The following SPTB variants were observed in gnomAD, a reference collection of about 807,000 sequenced individuals.
SPTB encodes spectrin beta chain, erythrocytic.
A neutral mutation model predicts 256.2 loss-of-function variants in SPTB; 45 were observed. The ratio of observed to expected loss-of-function variants is 0.18; its 90% CI spans 0.14 to 0.23. The LOEUF is 0.23. SPTB is among the 10% of genes least tolerant of loss of function. SPTB has a pLI of 1.00. For missense variants in SPTB, 2,715 were observed against 3,040.4 expected (o/e 0.89, Z 2.52); for synonymous variants, 1,231 against 1,243.1 (o/e 0.99, Z 0.21).
chr14:64,857,279 T>C (rs2083888252), intron 1 of SPTB, among the ~76,000 whole-genome samples: 2 of 152,072 alleles, frequency 1.3e-5, no homozygotes, highest in Non-Finnish European at 1.5e-5. Context: ...CTGCTGGATC[T>C]AGGAGAGAAA....
rs545023374 is a variant in SPTB, at chr14:64,758,644, G to A, written c.6346-4851C>T. Among the ~76,000 whole-genome samples the A allele has an allele frequency of 1.3e-5, 2 of 152,244 alleles. No homozygotes were observed. Among genetic ancestry groups the A allele is most frequent in the Non-Finnish European group, 2.9e-5 (2 of 68,040 alleles). On this transcript the variant is annotated intron_variant, in intron 32 of 35. Transcript: ENST00000644917. This position sits in a 1 kb window ranked among gnomAD's most constrained non-coding sequence, Gnocchi z 4.6. ...AGATTGTGTCTAGATATATATCCAA[G>A]AGGTCAAATCCTTTTCTGAAGCAGA...
intron 1 of SPTB, among the ~76,000 whole-genome samples, chr14:64,859,938 T>G (rs2083938356): frequency 6.6e-6 from 1 of 152,150 alleles, no homozygotes; most frequent in Admixed American, 6.5e-5. Flanking sequence ...CTGAAAAGAC[T>G]GTGAATAAAA....
At position 64,778,901 on chromosome 14, in the gene SPTB, T is replaced by C. The variant is rs548989940; in HGVS notation, c.4563+256A>G. On this transcript the variant is annotated intron_variant, in intron 22 of 35. Transcript: ENST00000644917. The surrounding 1 kb of genome is among the most constrained non-coding windows in gnomAD (Gnocchi z 5.2). ...CCGAGATCCTGCATTCACCTGTGCC[T>C]GATGGAGGCTGAATGGCCCTGAATC... Among the ~76,000 whole-genome samples, 7 of 152,036 alleles carry C rather than the reference T, an allele frequency of 4.6e-5. No individual in the cohort carries two copies. The South Asian group carries it at 8.3e-4, about 18-fold the overall frequency.
rs750287175 is a variant in SPTB at position 64,749,666 on chromosome 14, A to G, written c.6807T>C (p.His2269=). Residue 2269 remains histidine, a synonymous_variant, in exon 35 of 36, where the codon CAT becomes CAC. Coordinates refer to ENST00000644917, the MANE Select transcript of SPTB (RefSeq NM_001355436.2). The surrounding 1 kb of genome is among the most constrained non-coding windows in gnomAD (Gnocchi z 4.7). Reference sequence around the variant, plus strand: ...TGCCCGCGCTTACCTCATCCTTGCCATGGAAGAGCCACTCGCTGCCATTAC... The same window carrying G: ...TGCCCGCGCTTACCTCATCCTTGCCGTGGAAGAGCCACTCGCTGCCATTAC... ...RLSNGSEWLF[H]GKDEEEMLSW... is the part of the protein sequence containing the mutation. The G allele has an allele frequency of 2.7e-5, 43 of 1,613,808 alleles. No homozygotes were observed. Among genetic ancestry groups the G allele is most frequent in the Non-Finnish European group, 3.6e-5 (43 of 1,179,946 alleles).
chr14:64,750,273 G>T, intron 33 of SPTB, 119 bp from the exon 34 acceptor site: 2 of 1,006,966 alleles, frequency 2.0e-6, no homozygotes, highest in Non-Finnish European at 1.4e-6. Context: ...ATAGTAACAT[G>T]TTTTATTGTT....
Position 64,852,558 on chromosome 14 carries a change from C to T in SPTB, c.-52+27234G>A, listed in dbSNP as rs230716. 1 allele frequency among the ~76,000 whole-genome samples: 152,255 copies of T among 152,324 alleles called. 76,094 individuals carry two copies. Among genetic ancestry groups the T allele is most frequent in the Middle Eastern group, 1 (294 of 294 alleles). ...TCACTGCAGTAACTGAGACAAGAGA[C>T]GGTGTGGGCAAGACTCAGGACTTTG... On this transcript the variant is annotated intron_variant, in intron 1 of 35. Coordinates refer to ENST00000644917, the MANE Select transcript of SPTB (RefSeq NM_001355436.2). The surrounding 1 kb of genome is among the most constrained non-coding windows in gnomAD (Gnocchi z 4.2).
chr14:64,780,909 G>C (rs1487170275), intron 20 of SPTB, among the ~76,000 whole-genome samples: 3 of 152,100 alleles, frequency 2.0e-5, no homozygotes, highest in African/African-American at 7.2e-5. Context: ...AGAGAGTCCA[G>C]AAATAAGGCC....
At chr14:64,803,290 C>T (rs1170270361) in intron 4 of SPTB, among the ~76,000 whole-genome samples, 3 of 152,160 alleles carry the variant, frequency 2.0e-5, no homozygotes, top group Non-Finnish European at 4.4e-5. Context: ...ATTTCAAAAA[C>T]CAAGAAGTTA....
At chr14:64,753,059 C>T (rs2081974126) in intron 33 of SPTB, among the ~76,000 whole-genome samples, 1 of 152,124 alleles carries the variant, frequency 6.6e-6, no homozygotes, top group Non-Finnish European at 1.5e-5. Flanking sequence ...CCCCATCACT[C>T]CCATTTTACA....
intron 27 of SPTB, 121 bp downstream of exon 27, chr14:64,770,764 T>C: frequency 6.7e-7 from 1 of 1,499,232 alleles, no homozygotes; most frequent in South Asian, 1.1e-5. Context: ...CCCCAGGGAT[T>C]TTCATGGAAC....
intron 2 of SPTB, among the ~76,000 whole-genome samples, 154 bp from the exon 3 acceptor site, chr14:64,805,244 A>C (rs1246994962): frequency 1.3e-5 from 2 of 152,156 alleles, no homozygotes; most frequent in African/African-American, 4.8e-5. Context: ...AGCATTTGCC[A>C]TCAAGGTGTA....
intron 15 of SPTB, among the ~76,000 whole-genome samples, chr14:64,789,004 A>G (rs2082623238): frequency 6.6e-6 from 1 of 152,234 alleles, no homozygotes; most frequent in Non-Finnish European, 1.5e-5. Flanking sequence ...TTTATCAAGC[A>G]ACTCTCAGTT....
In SPTB at chr14:64,826,751, T is replaced by A. The variant is rs179337; in HGVS notation, c.-51-3606A>T. ...CTCCGTGACTCTGTGCCCAGAGAGGTCCACCTGCCCCATCCATCCATCCAC... is the reference window on the plus strand; with the variant it reads ...CTCCGTGACTCTGTGCCCAGAGAGGACCACCTGCCCCATCCATCCATCCAC... On this transcript the variant is annotated intron_variant, in intron 1 of 35. Coordinates refer to ENST00000644917, the MANE Select transcript of SPTB (RefSeq NM_001355436.2). This position sits in a 1 kb window ranked among gnomAD's most constrained non-coding sequence, Gnocchi z 4.4. Among the ~76,000 whole-genome samples, 9,238 of 151,870 alleles carry A rather than the reference T, an allele frequency of 0.061. 1,009 individuals are homozygous for A. Among genetic ancestry groups the A allele is most frequent in the African/African-American group, 0.21 (8,748 of 41,348 alleles).
chr14:64,802,212 T>C lies in SPTB; in HGVS notation c.566+14A>G, dbSNP rs1386587441. ...TGGTGGTGGATGTGCTAACAGCTGG[T>C]TCCCAGGGCATACCCTGCCGTCTTC... On this transcript the variant is annotated intron_variant, in intron 5 of 35. Coordinates refer to ENST00000644917, the MANE Select transcript of SPTB (RefSeq NM_001355436.2). The surrounding 1 kb of genome is among the most constrained non-coding windows in gnomAD (Gnocchi z 5.1). 19 of 1,613,870 alleles carry C rather than the reference T, an allele frequency of 1.2e-5. No individual in the cohort carries two copies. The highest frequency in any genetic ancestry group is 1.6e-5 in the Non-Finnish European group (19 of 1,179,716).
chr14:64,767,716 T>G lies in SPTB; in HGVS notation c.6166A>C (p.Lys2056Gln). Residue 2056 changes from lysine to glutamine, a missense_variant, in exon 30 of 36, where the codon AAG becomes CAG. By Grantham distance (53) the Lys-to-Gln change is moderately conservative (BLOSUM62 1). Transcript: ENST00000644917. ...KLIKRHEAFE[K>Q]STASWAERFA... is the part of the protein sequence containing the mutation. The stretch of plus-strand genomic sequence containing the variant: ...CGCTCTGCCCAGCTGGCCGTGGACT[T>G]CTCAAAAGCCTCATGCCTCTTGATG... 6.2e-7 allele frequency: 1 copy of G among 1,614,200 alleles called. No individual in the cohort carries two copies. Among genetic ancestry groups the G allele is most frequent in the Middle Eastern group, 1.6e-4 (1 of 6,062 alleles).
Position 64,794,624 on chromosome 14 carries a change from A to T in SPTB, c.1645-7T>A. 6.2e-7 allele frequency: 1 copy of T among 1,614,138 alleles called. No homozygotes were observed. The highest frequency in any genetic ancestry group is 1.1e-5 in the South Asian group (1 of 91,082). On this transcript the variant is annotated splice_region_variant and splice_polypyrimidine_tract_variant and intron_variant, in intron 12 of 35. Transcript: ENST00000644917. ...CGGCAGACAAGAGGTGAGCCTGGCAAAGAGAACAGCAGAAAGGAAATGAGG... is the reference window on the plus strand; with the variant it reads ...CGGCAGACAAGAGGTGAGCCTGGCATAGAGAACAGCAGAAAGGAAATGAGG...
At chr14:64,865,909 G>A (rs1882156481) in intron 1 of SPTB, among the ~76,000 whole-genome samples, 1 of 152,092 alleles carries the variant, frequency 6.6e-6, no homozygotes, top group Non-Finnish European at 1.5e-5. Context: ...TCAAGTTTAG[G>A]TTGAACATTT....
chr14:64,792,139 G>A lies in SPTB; in HGVS notation c.2667-283C>T, dbSNP rs1186810757. On this transcript the variant is annotated intron_variant, in intron 14 of 35. Transcript: ENST00000644917. The surrounding 1 kb of genome is among the most constrained non-coding windows in gnomAD (Gnocchi z 4.2). Reference sequence around the variant, plus strand: ...AAGAGAGACATATGAAGGGGAGGGAGGGCTGAAGAGAGGTTACTGTGTATT... The same window carrying A: ...AAGAGAGACATATGAAGGGGAGGGAAGGCTGAAGAGAGGTTACTGTGTATT... Among the ~76,000 whole-genome samples, 1 of 152,184 alleles carries A rather than the reference G, an allele frequency of 6.6e-6. No homozygotes were observed. Among genetic ancestry groups the A allele is most frequent in the Non-Finnish European group, 1.5e-5 (1 of 68,032 alleles).
intron 1 of SPTB, among the ~76,000 whole-genome samples, chr14:64,872,017 A>G (rs779179990): frequency 2.6e-5 from 4 of 152,270 alleles, no homozygotes; most frequent in Non-Finnish European, 4.4e-5. Flanking sequence ...CAAAGTACAC[A>G]GCACATCTAA....
Sources: gnomAD v4.1 joint callset for allele counts (sites outside exome capture counted in the v4.1 genomes callset) on GRCh38, gnomAD v4.1.1 for gene constraint, Gnocchi (gnomAD v3.1) non-coding constraint, MANE v1.5 for transcripts, NCBI Gene and HGNC (gene_info 2026-07-23, HGNC 2026-07-21) for gene names.